The following DCLK2 variants were observed in gnomAD, a reference collection of about 807,000 sequenced individuals.
DCLK2 encodes the protein serine/threonine-protein kinase DCLK2.
DCLK2 carries 31 observed loss-of-function variants against 78.4 expected under a neutral mutation model. That is an observed-to-expected ratio of 0.40 (90% CI 0.30 to 0.53). DCLK2 has a LOEUF of 0.53. Ranked by LOEUF, DCLK2 falls within the 20% of genes least tolerant of loss-of-function variation. The probability of loss-of-function intolerance (pLI) is 0.61; values close to 1 mark genes in which losing one functional copy is unlikely to be tolerated. For synonymous variants in DCLK2, 407 were observed against 374.9 expected (o/e 1.09, Z -0.99); for missense variants, 872 against 973.7 (o/e 0.90, Z 1.39).
rs757748738 is a variant in DCLK2, at chr4:150,221,673, G to A, written c.1133-4G>A. 7.1e-5 allele frequency: 112 copies of A among 1,579,838 alleles called. No homozygotes were observed. Among genetic ancestry groups the A allele is most frequent in the Non-Finnish European group, 9.0e-5 (105 of 1,164,918 alleles). ...TTTAGAATTTGCATTTATCCTTTTTGCAGGTGTGAATGGAAACAGATGCTC... is the reference window on the plus strand; with the variant it reads ...TTTAGAATTTGCATTTATCCTTTTTACAGGTGTGAATGGAAACAGATGCTC... On this transcript the variant is annotated splice_polypyrimidine_tract_variant and splice_region_variant and intron_variant, in intron 6 of 15. Coordinates refer to ENST00000296550, the MANE Select transcript of DCLK2 (RefSeq NM_001040260.4).
intron 2 of DCLK2, among the ~76,000 whole-genome samples, chr4:150,143,640 C>G (rs779531912): frequency 6.6e-6 from 1 of 152,154 alleles, no homozygotes; most frequent in Non-Finnish European, 1.5e-5. Flanking sequence ...ATTCTGTTTT[C>G]CATACAGGTT....
At chr4:150,133,300 G>A (rs1020812718) in intron 2 of DCLK2, among the ~76,000 whole-genome samples, 2 of 143,220 alleles carry the variant, frequency 1.4e-5, no homozygotes, top group Admixed American at 1.4e-4. Flanking sequence ...TGTGCACAGC[G>A]CAACTCAGAT....
At chr4:150,216,819 A>G (rs1218046789) in intron 5 of DCLK2, among the ~76,000 whole-genome samples, 2 of 152,258 alleles carry the variant, frequency 1.3e-5, no homozygotes, top group East Asian at 3.9e-4. Flanking sequence ...TTGGCCAAGC[A>G]GAATCAGGAC....
intron 2 of DCLK2, among the ~76,000 whole-genome samples, chr4:150,188,904 CAA>C (rs59096633): frequency 0.037 from 3,453 of 94,138 alleles, 66 homozygotes; most frequent in African/African-American, 0.12. Context: ...GACTCTGTCT[CAA>C]AAAAAAAAAA....
At chr4:150,187,151 T>G (rs1248154352) in intron 2 of DCLK2, among the ~76,000 whole-genome samples, 1 of 152,208 alleles carries the variant, frequency 6.6e-6, no homozygotes, top group Non-Finnish European at 1.5e-5. Context: ...CAAATCTTTC[T>G]TATCCATTTT....
chr4:150,118,291 G>C (rs1449468202), intron 2 of DCLK2, among the ~76,000 whole-genome samples: 1 of 143,490 alleles, frequency 7.0e-6, no homozygotes, highest in African/African-American at 2.6e-5. Context: ...GAGTGATGCA[G>C]TTTCACTTGG....
chr4:150,188,302 G>A (rs1042106777), intron 2 of DCLK2, among the ~76,000 whole-genome samples: 1 of 151,820 alleles, frequency 6.6e-6, no homozygotes, highest in South Asian at 2.1e-4. Context: ...AGTGAAACCT[G>A]GCCTCTAACA....
At chr4:150,093,125 T>C (rs1303328718) in intron 1 of DCLK2, among the ~76,000 whole-genome samples, 1 of 152,206 alleles carries the variant, frequency 6.6e-6, no homozygotes, top group Non-Finnish European at 1.5e-5. Flanking sequence ...GTTGTGTTTG[T>C]ATACACTAAT....
intron 11 of DCLK2, among the ~76,000 whole-genome samples, 179 bp downstream of exon 11, chr4:150,240,054 GCCTCC>G (rs1742801329): frequency 3.2e-5 from 2 of 62,852 alleles, no homozygotes; most frequent in Admixed American, 2.0e-4. Context: ...TGTATACAGT[GCCTCC>G]TGTGAAGGTG....
At chr4:150,182,536 A>G (rs1250953543) in intron 2 of DCLK2, among the ~76,000 whole-genome samples, 1 of 152,180 alleles carries the variant, frequency 6.6e-6, no homozygotes, top group African/African-American at 2.4e-5. Flanking sequence ...AAATAATGAT[A>G]ATGGCTCAGG....
chr4:150,121,768 A>G (rs951118201), intron 2 of DCLK2, among the ~76,000 whole-genome samples: 1 of 152,238 alleles, frequency 6.6e-6, no homozygotes, highest in Non-Finnish European at 1.5e-5. Flanking sequence ...TATTTCTTAC[A>G]TCAGACTTGA....
intron 2 of DCLK2, among the ~76,000 whole-genome samples, chr4:150,184,663 G>A (rs932250138): frequency 1.3e-5 from 2 of 149,396 alleles, no homozygotes; most frequent in Non-Finnish European, 3.0e-5. Context: ...GTGCAGTAGC[G>A]CGATCTCGGC....
At chr4:150,133,703 G>A (rs554236951) in intron 2 of DCLK2, among the ~76,000 whole-genome samples, 3 of 152,290 alleles carry the variant, frequency 2.0e-5, no homozygotes, top group South Asian at 4.1e-4. Flanking sequence ...TGTGAACAAG[G>A]TGTTGTGGGT....
intron 2 of DCLK2, among the ~76,000 whole-genome samples, chr4:150,159,448 A>G (rs1437411272): frequency 6.6e-6 from 1 of 152,212 alleles, no homozygotes; most frequent in Middle Eastern, 3.4e-3. Flanking sequence ...CCTGTCTCTC[A>G]CCCACTTTGA....
At chr4:150,156,450 C>T (rs1325192624) in intron 2 of DCLK2, among the ~76,000 whole-genome samples, 1 of 151,334 alleles carries the variant, frequency 6.6e-6, no homozygotes, top group Non-Finnish European at 1.5e-5. Context: ...AGTTAAAAAC[C>T]AGATGGGGCA....
rs1421065746 is a variant in DCLK2 at position 150,257,206 on chromosome 4, G to C, written c.*959G>C. 6.5e-6 allele frequency: 1 copy of C among 152,678 alleles called. No individual in the cohort carries two copies. The highest frequency in any genetic ancestry group is 1.5e-5 in the Non-Finnish European group (1 of 68,128). 9.5% of individuals were successfully genotyped at this position (152,678 alleles called of 1,614,324 possible). ...GAGGAGGCATGCCCGAGGCAGCCAGGACTGGGCGGGAAGGTGCTCCCTGGA... is the reference window on the plus strand; with the variant it reads ...GAGGAGGCATGCCCGAGGCAGCCAGCACTGGGCGGGAAGGTGCTCCCTGGA... On this transcript the variant is annotated 3_prime_UTR_variant, in exon 16 of 16. Coordinates refer to ENST00000296550, the MANE Select transcript of DCLK2 (RefSeq NM_001040260.4).
chr4:150,141,769 G>A (rs1434952641), intron 2 of DCLK2, among the ~76,000 whole-genome samples: 3 of 152,180 alleles, frequency 2.0e-5, no homozygotes, highest in Admixed American at 6.5e-5. Flanking sequence ...ACTACTTTAC[G>A]AAGCTTTGAA....
intron 2 of DCLK2, among the ~76,000 whole-genome samples, chr4:150,134,844 G>GT (rs1272872446): frequency 6.6e-6 from 1 of 151,870 alleles, no homozygotes; most frequent in East Asian, 1.9e-4. Context: ...TTGTTTGTTT[G>GT]TTTTTTTGAG....
chr4:150,106,374 C>A (rs888417014), intron 2 of DCLK2, among the ~76,000 whole-genome samples: 2 of 151,936 alleles, frequency 1.3e-5, no homozygotes, highest in Non-Finnish European at 2.9e-5. Flanking sequence ...TGATCTTGGC[C>A]AAAAGGCCAA....
Sources: allele counts gnomAD v4.1 joint callset (sites outside exome capture counted in the v4.1 genomes callset), GRCh38; gene constraint gnomAD v4.1.1; transcripts MANE v1.5; gene names NCBI Gene and HGNC (gene_info 2026-07-23, HGNC 2026-07-21).